The following IMP4 variants were observed in gnomAD, a reference collection of about 807,000 sequenced individuals.
IMP4 encodes the protein U3 small nucleolar ribonucleoprotein IMP4.
Under a neutral mutation model 42.7 loss-of-function variants are expected in IMP4, and 30 were observed. The observed-to-expected ratio is 0.70, with a 90% confidence interval of 0.53 to 0.95. The LOEUF (loss-of-function observed/expected upper bound fraction) is 0.95, where lower values mean the gene tolerates loss of function less well. Among genes scored for constraint, IMP4 ranks in the 40% least tolerant of loss-of-function variants. IMP4 has a pLI of 0.00. For missense variants in IMP4, 382 were observed against 411.4 expected (o/e 0.93, Z 0.62); for synonymous variants, 165 against 165.2 (o/e 1.00, Z 0.01).
At chr2:130,342,962 G>C (rs1194031187) in intron 1 of IMP4, 27 bp downstream of exon 1, 1 of 1,614,202 alleles carries the variant, frequency 6.2e-7, no homozygotes, top group South Asian at 1.1e-5. Flanking sequence ...CTGTTTCGGA[G>C]GTCCGGGGCG....
In IMP4 at chr2:130,345,884, C is replaced by T; in HGVS notation, c.545C>T (p.Ala182Val). The change falls in exon 6 of 9, where the codon GCC becomes GTC. Residue 182 changes from alanine (A) to valine (V), a missense_variant. Physicochemically the swap from Ala to Val is moderately conservative, Grantham distance 64. Transcript: ENST00000259239. This position sits in a 1 kb window ranked among gnomAD's most constrained non-coding sequence, Gnocchi z 4.9. The stretch of plus-strand genomic sequence containing the variant: ...CCAGACCTGGGCACCATGTCGGAGG[C>T]CAAGCCCCACCTCATCACACACGGC... Reference protein sequence around the residue: ...DIPDLGTMSEAKPHLITHGFS... With the variant: ...DIPDLGTMSEVKPHLITHGFS... 2.5e-6 allele frequency: 4 copies of T among 1,614,182 alleles called. 1 individual carries two copies. Among genetic ancestry groups the T allele is most frequent in the South Asian group, 2.2e-5 (2 of 91,084 alleles).
intron 2 of IMP4, 93 bp from the exon 3 acceptor site, chr2:130,344,536 C>G: frequency 1.2e-6 from 1 of 847,108 alleles, no homozygotes; most frequent in Admixed American, 1.9e-5. Flanking sequence ...ATTTTTATTT[C>G]AAGCATGTGC....
Position 130,342,960 on chromosome 2 carries a change from G to C in IMP4, c.3+25G>C, listed in dbSNP as rs1489156613. 2.5e-6 allele frequency: 4 copies of C among 1,614,188 alleles called. No individual in the cohort carries two copies. Among genetic ancestry groups the C allele is most frequent in the Non-Finnish European group, 3.4e-6 (4 of 1,179,986 alleles). On this transcript the variant is annotated intron_variant, in intron 1 of 8. Transcript: ENST00000259239. ...GGTAGGAGAATGAGCTCCTGTTTCG[G>C]AGGTCCGGGGCGCGTGAAGTGCTGG... is the stretch of plus-strand genomic sequence containing the variant.
intron 2 of IMP4, 35 bp downstream of exon 2, chr2:130,343,229 A>G (rs774036320): frequency 7.2e-7 from 1 of 1,380,178 alleles, no homozygotes; most frequent in African/African-American, 1.4e-5. Flanking sequence ...CTGCGTGGTA[A>G]ACCACCCCGG....
rs778518708 is a variant in IMP4, at chr2:130,342,930, A to G, written c.-3A>G. ...CCGGACCCACGTGGAAGCGGCACTCAAGATGGTAGGAGAATGAGCTCCTGT... is the reference window on the plus strand; with the variant it reads ...CCGGACCCACGTGGAAGCGGCACTCGAGATGGTAGGAGAATGAGCTCCTGT... On this transcript the variant is annotated 5_prime_UTR_variant, in exon 1 of 9. Transcript: ENST00000259239. The G allele has an allele frequency of 6.2e-6, 10 of 1,614,104 alleles. No homozygotes were observed. Among genetic ancestry groups the G allele is most frequent in the Non-Finnish European group, 7.6e-6 (9 of 1,179,982 alleles).
Position 130,345,843 on chromosome 2 carries a change from C to T in IMP4, c.504C>T (p.Val168=). 6.2e-7 allele frequency: 1 copy of T among 1,614,168 alleles called. No homozygotes were observed. Among genetic ancestry groups the T allele is most frequent in the Non-Finnish European group, 8.5e-7 (1 of 1,180,048 alleles). The stretch of plus-strand genomic sequence containing the variant: ...CCTACTTCACGCTGTGCAATGTGGT[C>T]ATGCGGCATGACATCCCAGACCTGG... ...PTAYFTLCNV[V]MRHDIPDLGT... is the part of the protein sequence containing the mutation. Residue 168 remains valine, a synonymous_variant, in exon 6 of 9, where the codon GTC becomes GTT. Transcript: ENST00000259239. The surrounding 1 kb of genome is among the most constrained non-coding windows in gnomAD (Gnocchi z 4.9).
chr2:130,346,701 C>T lies in IMP4; in HGVS notation c.*233C>T. The T allele has an allele frequency of 1.7e-6, 1 of 585,262 alleles. No homozygotes were observed. Among genetic ancestry groups the T allele is most frequent in the East Asian group, 2.9e-5 (1 of 34,756 alleles). The allele number at this position is 585,262 out of a possible 1,614,324, so 36.3% of individuals were successfully genotyped here. A position where few individuals can be genotyped will look rare whatever the true frequency, so the allele number is the denominator to read the frequency against. On this transcript the variant is annotated 3_prime_UTR_variant, in exon 9 of 9. Transcript: ENST00000259239. ...ATCCCTTTGGGTGGGGACCTGATGGCTGTGGGACGTGCTTGGGCCTGGAGT... is the reference window on the plus strand; with the variant it reads ...ATCCCTTTGGGTGGGGACCTGATGGTTGTGGGACGTGCTTGGGCCTGGAGT...
In IMP4 at chr2:130,345,560, C is replaced by T. The variant is rs767774602; in HGVS notation, c.307-7C>T. The T allele has an allele frequency of 9.9e-6, 16 of 1,614,052 alleles. No homozygotes were observed. The highest frequency in any genetic ancestry group is 1.6e-4 in the Middle Eastern group (1 of 6,084). Reference sequence around the variant, plus strand: ...AGTCCTGACTGTACACTGCCATCCACGCCCAGGAGCTGAAGCTGGTGTTCC... The same window carrying T: ...AGTCCTGACTGTACACTGCCATCCATGCCCAGGAGCTGAAGCTGGTGTTCC... On this transcript the variant is annotated splice_polypyrimidine_tract_variant and splice_region_variant and intron_variant, in intron 4 of 8. Coordinates refer to ENST00000259239, the MANE Select transcript of IMP4 (RefSeq NM_033416.3). The surrounding 1 kb of genome is among the most constrained non-coding windows in gnomAD (Gnocchi z 4.9).
chr2:130,343,661 C>T (rs1409901606), intron 2 of IMP4, among the ~76,000 whole-genome samples: 1 of 151,850 alleles, frequency 6.6e-6, no homozygotes, highest in Non-Finnish European at 1.5e-5. Context: ...ATCGCTTGAA[C>T]CCGGGAGGCG....
chr2:130,346,054 A>G lies in IMP4; in HGVS notation c.631A>G (p.Lys211Glu), dbSNP rs757521168. 6.2e-7 allele frequency: 1 copy of G among 1,614,124 alleles called. No homozygotes were observed. Among genetic ancestry groups the G allele is most frequent in the Non-Finnish European group, 8.5e-7 (1 of 1,180,030 alleles). Residue 211 changes from lysine to glutamate, a missense_variant, in exon 7 of 9, where the codon AAA becomes GAA. Lys to Glu is a moderately conservative substitution (Grantham distance 56). Coordinates refer to ENST00000259239, the MANE Select transcript of IMP4 (RefSeq NM_033416.3). ...CCTCCGATACCTATTTCCCGTGCCC[A>G]AAGATGACAGCCACCGGGTCATCAC... ...DILRYLFPVP[K>E]DDSHRVITFA...
chr2:130,346,887 C>T lies in IMP4; in HGVS notation c.*419C>T, dbSNP rs1022468676. The T allele has an allele frequency of 4.7e-5, 12 of 257,498 alleles. No individual in the cohort carries two copies. The East Asian group carries it at 6.4e-4, about 14-fold the overall frequency. The allele number at this position is 257,498 out of a possible 1,614,324, so 16.0% of individuals were successfully genotyped here. A position where few individuals can be genotyped will look rare whatever the true frequency, so the allele number is the denominator to read the frequency against. ...TGAGTGGAAGCCGCCAGTGTGCCAA[C>T]GCGGAGGGGACAGGCCACACCCAGT... On this transcript the variant is annotated 3_prime_UTR_variant, in exon 9 of 9. Coordinates refer to ENST00000259239, the MANE Select transcript of IMP4 (RefSeq NM_033416.3).
In IMP4 at chr2:130,347,380, T is replaced by C. The variant is rs1478325344; in HGVS notation, c.*912T>C. On this transcript the variant is annotated 3_prime_UTR_variant, in exon 9 of 9. Transcript: ENST00000259239. ...TTTTAATAACAGCTATCCTAACAGG[T>C]ATGAGGTGATCTCTCTCATTGCGGT... 6.6e-6 allele frequency: 1 copy of C among 152,214 alleles called. No homozygotes were observed. The highest frequency in any genetic ancestry group is 1.5e-5 in the Non-Finnish European group (1 of 68,042). 9.4% of individuals were successfully genotyped at this position (152,214 alleles called of 1,614,324 possible). A position where few individuals can be genotyped will look rare whatever the true frequency, so the allele number is the denominator to read the frequency against.
In IMP4 at chr2:130,343,079, C is replaced by A. The variant is rs768179974; in HGVS notation, c.4-7C>A. 6.3e-7 allele frequency: 1 copy of A among 1,574,952 alleles called. No homozygotes were observed. Among genetic ancestry groups the A allele is most frequent in the Non-Finnish European group, 8.6e-7 (1 of 1,158,780 alleles). On this transcript the variant is annotated splice_region_variant and splice_polypyrimidine_tract_variant and intron_variant, in intron 1 of 8. Coordinates refer to ENST00000259239, the MANE Select transcript of IMP4 (RefSeq NM_033416.3). ...GTAGTGAGTGACTGGGCCTGCTGTT[C>A]CCACAGCTGCGCCGCGAGGCCCGCC...
In IMP4 at chr2:130,345,202, C is replaced by A. The variant is rs1679428975; in HGVS notation, c.197-174C>A. 6.6e-6 allele frequency among the ~76,000 whole-genome samples: 1 copy of A among 152,208 alleles called. No individual in the cohort carries two copies. The highest frequency in any genetic ancestry group is 6.5e-5 in the Admixed American group (1 of 15,280). ...CAAAAGATTCTGTTTCTCAGCCACG[C>A]TTGTGCTCAGCAGCCAGAGTAGTTG... On this transcript the variant is annotated intron_variant, in intron 3 of 8. Coordinates refer to ENST00000259239, the MANE Select transcript of IMP4 (RefSeq NM_033416.3). This position sits in a 1 kb window ranked among gnomAD's most constrained non-coding sequence, Gnocchi z 4.9.
intron 8 of IMP4, 37 bp from the exon 9 acceptor site, chr2:130,346,319 C>T: frequency 6.2e-7 from 1 of 1,608,294 alleles, no homozygotes; most frequent in Non-Finnish European, 8.5e-7. Context: ...GGAGGGGAGG[C>T]TGGCTGTGCC....
At position 130,344,165 on chromosome 2, in the gene IMP4, A is replaced by G. The variant is rs540863665; in HGVS notation, c.113-464A>G. On this transcript the variant is annotated intron_variant, in intron 2 of 8. Transcript: ENST00000259239. Reference sequence around the variant, plus strand: ...AACACGGTGAAACCCCGTCTCTACTAAAAATATAAAAAATTAGCCGGGCGC... The same window carrying G: ...AACACGGTGAAACCCCGTCTCTACTGAAAATATAAAAAATTAGCCGGGCGC... Among the ~76,000 whole-genome samples, 3 of 152,250 alleles carry G rather than the reference A, an allele frequency of 2.0e-5. No individual in the cohort carries two copies. The East Asian group carries it at 5.8e-4, about 29-fold the overall frequency.
chr2:130,343,612 G>C (rs910801544), intron 2 of IMP4, among the ~76,000 whole-genome samples: 3 of 151,850 alleles, frequency 2.0e-5, no homozygotes, highest in Non-Finnish European at 4.4e-5. Context: ...GGTGGCACGC[G>C]CCTGTAATCC....
chr2:130,343,438 G>C, intron 2 of IMP4: 2 of 694,206 alleles, frequency 2.9e-6, no homozygotes, highest in Non-Finnish European at 5.4e-6. Context: ...AAGTTTTAAA[G>C]ACTTTATCTT....
intron 1 of IMP4, 40 bp from the exon 2 acceptor site, chr2:130,343,045 CG>C: frequency 6.2e-7 from 1 of 1,600,258 alleles, no homozygotes; most frequent in Non-Finnish European, 8.5e-7. Flanking sequence ...TTCCGGGGCT[CG>C]GGAGCGAGTA....
Sources: allele counts gnomAD v4.1 joint callset (sites outside exome capture counted in the v4.1 genomes callset), GRCh38; gene constraint gnomAD v4.1.1; non-coding constraint Gnocchi (gnomAD v3.1); transcripts MANE v1.5; gene names NCBI Gene and HGNC (gene_info 2026-07-23, HGNC 2026-07-21).